The following ODAPH variants were observed in gnomAD, a reference collection of about 807,000 sequenced individuals.
The protein encoded by ODAPH is odontogenesis associated phosphoprotein.
A neutral mutation model predicts 2.8 loss-of-function variants in ODAPH; 2 were observed. That is an observed-to-expected ratio of 0.72 (90% CI 0.30 to 2.28). The LOEUF (loss-of-function observed/expected upper bound fraction) is 2.28. ODAPH is among the 30% of genes most tolerant of loss of function. The pLI is 0.13. For synonymous variants in ODAPH, 75 were observed against 60.3 expected, an observed-to-expected ratio of 1.24 and a Z score of -1.13; for missense variants, 159 against 163.3, an observed-to-expected ratio of 0.97 and a Z score of 0.14.
At position 75,564,424 on chromosome 4, in the gene ODAPH, A is replaced by T; in HGVS notation, c.378A>T (p.Ser126=). ...GAAGAAGACTCCAGAGAGGAAGCTCATCTGAGGAAAGCTGAGAGGGAAGAG... is the reference window on the plus strand; with the variant it reads ...GAAGAAGACTCCAGAGAGGAAGCTCTTCTGAGGAAAGCTGAGAGGGAAGAG... ...FPRRRLQRGS[S]SEES Residue 126 remains serine (S), a synonymous_variant, in exon 2 of 2, where the codon TCA becomes TCT. Transcript: ENST00000311623. 1 of 1,614,154 alleles carries T rather than the reference A, an allele frequency of 6.2e-7. No homozygotes were observed. Among genetic ancestry groups the T allele is most frequent in the Non-Finnish European group, 8.5e-7 (1 of 1,179,970 alleles).
At chr4:75,558,287 A>T (rs1016839985) in intron 1 of ODAPH, among the ~76,000 whole-genome samples, 14 of 152,218 alleles carry the variant, frequency 9.2e-5, no homozygotes, top group Non-Finnish European at 1.9e-4. Flanking sequence ...AGTCTACAAA[A>T]TAAATTGAGT....
chr4:75,556,417 C>T, intron 1 of ODAPH: 1 of 772,538 alleles, frequency 1.3e-6, no homozygotes, highest in South Asian at 1.7e-5. Context: ...TAACAATATC[C>T]ATCGTTATGG....
chr4:75,557,796 G>A (rs759890351), intron 1 of ODAPH, among the ~76,000 whole-genome samples: 31 of 152,164 alleles, frequency 2.0e-4, no homozygotes, highest in African/African-American at 5.3e-4. Flanking sequence ...GGGTCTGCCC[G>A]ACAAGGTCAT....
intron 1 of ODAPH, among the ~76,000 whole-genome samples, chr4:75,558,634 T>G (rs1268057608): frequency 6.6e-6 from 1 of 152,186 alleles, no homozygotes; most frequent in Non-Finnish European, 1.5e-5. Context: ...AAACTGATAT[T>G]CAAATTCCAA....
rs1727725930 is a variant in ODAPH at position 75,564,338 on chromosome 4, C to T, written c.292C>T (p.Arg98Cys). The change falls in exon 2 of 2, where the codon CGT becomes TGT. Residue 98 changes from arginine (R) to cysteine (C), a missense_variant. Physicochemically the swap from Arg to Cys is radical, Grantham distance 180 (BLOSUM62 -3). Transcript: ENST00000311623. ...RPFVPSRCNH[R>C]FPFQPFYWPH... ...TTTCGTCCCTTCAAGGTGTAACCAC[C>T]GTTTTCCATTCCAGCCATTTTATTG... 2 of 1,614,104 alleles carry T rather than the reference C, an allele frequency of 1.2e-6. No homozygotes were observed. The highest frequency in any genetic ancestry group is 1.7e-6 in the Non-Finnish European group (2 of 1,180,020).
At chr4:75,558,719 G>C (rs749828369) in intron 1 of ODAPH, among the ~76,000 whole-genome samples, 10 of 151,892 alleles carry the variant, frequency 6.6e-5, no homozygotes, top group Non-Finnish European at 8.8e-5. Context: ...TTTGAGACAG[G>C]GTCTCCCTCT....
At chr4:75,557,797 A>T (rs898738208) in intron 1 of ODAPH, among the ~76,000 whole-genome samples, 2 of 152,156 alleles carry the variant, frequency 1.3e-5, no homozygotes, top group Non-Finnish European at 2.9e-5. Context: ...GGTCTGCCCG[A>T]CAAGGTCATG....
chr4:75,558,335 T>C (rs1371659110), intron 1 of ODAPH, among the ~76,000 whole-genome samples: 1 of 152,222 alleles, frequency 6.6e-6, no homozygotes, highest in East Asian at 1.9e-4. Context: ...ATAGAACTTA[T>C]TCTTTCTGGC....
chr4:75,557,711 G>A (rs1320543406), intron 1 of ODAPH, among the ~76,000 whole-genome samples: 3 of 152,134 alleles, frequency 2.0e-5, no homozygotes, highest in Non-Finnish European at 1.5e-5. Context: ...ACAATCCCTC[G>A]AAGTCCTTCA....
At position 75,556,485 on chromosome 4, in the gene ODAPH, T is replaced by C. The variant is rs1727343137; in HGVS notation, c.67+336T>C. ...GAAAAACTCTTCAAGCTAAAAACACTGTACAAATACTAGTTATTATGGTTA... is the reference window on the plus strand; with the variant it reads ...GAAAAACTCTTCAAGCTAAAAACACCGTACAAATACTAGTTATTATGGTTA... On this transcript the variant is annotated intron_variant, in intron 1 of 1. Transcript: ENST00000311623. 2.8e-6 allele frequency: 4 copies of C among 1,430,218 alleles called. No homozygotes were observed. In the South Asian group the frequency reaches 3.7e-5, roughly 13 times the overall value. The allele number at this position is 1,430,218 out of a possible 1,614,324, so 88.6% of individuals were successfully genotyped here.
At chr4:75,560,211 A>G (rs1727507661) in intron 1 of ODAPH, among the ~76,000 whole-genome samples, 1 of 152,230 alleles carries the variant, frequency 6.6e-6, no homozygotes, top group South Asian at 2.1e-4. Context: ...AGTAGGAACC[A>G]AAGAAGTTCA....
At chr4:75,565,290 G>C (rs934349528), downstream of ODAPH, 1 of 151,994 alleles carries the variant, frequency 6.6e-6, no homozygotes, top group African/African-American at 2.4e-5. Context: ...GAGTCACTGC[G>C]CCCAGCCCCA....
At chr4:75,558,750 C>T (rs553820055) in intron 1 of ODAPH, among the ~76,000 whole-genome samples, 6 of 152,186 alleles carry the variant, frequency 3.9e-5, no homozygotes, top group Non-Finnish European at 8.8e-5. Context: ...CTGGAGTGTG[C>T]AGTGGCACTA....
At chr4:75,562,049 A>T (rs1160413517) in intron 1 of ODAPH, among the ~76,000 whole-genome samples, 1 of 152,206 alleles carries the variant, frequency 6.6e-6, no homozygotes. Context: ...GACGTCTTCC[A>T]CTGTGGCTCA....
chr4:75,564,001 A>C, intron 1 of ODAPH, 113 bp from the exon 2 acceptor site: 1 of 933,884 alleles, frequency 1.1e-6, no homozygotes, highest in East Asian at 2.4e-5. Flanking sequence ...TCAAATATAC[A>C]TTGAGATTTC....
chr4:75,556,487 T>C (rs1011940640), intron 1 of ODAPH: 1 of 1,445,052 alleles, frequency 6.9e-7, no homozygotes, highest in African/African-American at 1.4e-5. Flanking sequence ...AAAAACACTG[T>C]ACAAATACTA....
At chr4:75,561,856 A>AAC (rs1241855831) in intron 1 of ODAPH, among the ~76,000 whole-genome samples, 1 of 152,036 alleles carries the variant, frequency 6.6e-6, no homozygotes, top group African/African-American at 2.4e-5. Flanking sequence ...AAAAAAAAGA[A>AAC]ACACACACAC....
Position 75,564,372 on chromosome 4 carries a change from G to T in ODAPH, c.326G>T (p.Arg109Leu), listed in dbSNP as rs2306174. Residue 109 changes from arginine (R) to leucine (L), a missense_variant, in exon 2 of 2, where the codon CGT becomes CTT. Arg to Leu is a moderately radical substitution (Grantham distance 102). Coordinates refer to ENST00000311623, the MANE Select transcript of ODAPH (RefSeq NM_178497.5). Reference protein sequence around the residue: ...FPFQPFYWPHRYLTYRYFPRR... With the variant: ...FPFQPFYWPHLYLTYRYFPRR... Reference sequence around the variant, plus strand: ...TTCCAGCCATTTTATTGGCCACACCGTTACCTTACTTATAGGTATTTCCCC... The same window carrying T: ...TTCCAGCCATTTTATTGGCCACACCTTTACCTTACTTATAGGTATTTCCCC... 1.2e-6 allele frequency: 2 copies of T among 1,613,732 alleles called. No homozygotes were observed. Among genetic ancestry groups the T allele is most frequent in the Non-Finnish European group, 1.7e-6 (2 of 1,179,938 alleles).
chr4:75,559,223 G>A (rs186806316), intron 1 of ODAPH, among the ~76,000 whole-genome samples: 123 of 152,302 alleles, frequency 8.1e-4, no homozygotes, highest in African/African-American at 2.8e-3. Flanking sequence ...TTCTAGTAAC[G>A]TGTGTCCCCA....
Sources: allele counts gnomAD v4.1 joint callset (sites outside exome capture counted in the v4.1 genomes callset), GRCh38; gene constraint gnomAD v4.1.1; transcripts MANE v1.5; gene names NCBI Gene and HGNC (gene_info 2026-07-23, HGNC 2026-07-21).